The following PRDM16 variants were observed in gnomAD, a reference collection of about 807,000 sequenced individuals.
PRDM16 encodes PR/SET domain 16.
PRDM16 carries 23 observed loss-of-function variants against 110.6 expected under a neutral mutation model. That is an observed-to-expected ratio of 0.21 (90% CI 0.15 to 0.29). PRDM16 has a LOEUF of 0.29. PRDM16 is among the 10% of genes least tolerant of loss of function. PRDM16 has a pLI of 1.00. For synonymous variants in PRDM16, 799 were observed against 781.8 expected, an observed-to-expected ratio of 1.02 and a Z score of -0.37; for missense variants, 1,615 against 1,794.3, an observed-to-expected ratio of 0.90 and a Z score of 1.81.
At chr1:3,107,206 T>C (rs1028953218) in intron 1 of PRDM16, among the ~76,000 whole-genome samples, 8 of 152,342 alleles carry the variant, frequency 5.3e-5, no homozygotes, top group South Asian at 2.1e-4. Flanking sequence ...GCAAAGCTGC[T>C]CACCTTGAAC....
chr1:3,355,671 C>T lies in PRDM16; in HGVS notation c.439-29481C>T, dbSNP rs184926063. Reference sequence around the variant, plus strand: ...CCACACACCTTCACTCTTGTGGCCCCGGACCCTCAGCACCTCTCAGACCAC... The same window carrying T: ...CCACACACCTTCACTCTTGTGGCCCTGGACCCTCAGCACCTCTCAGACCAC... On this transcript the variant is annotated intron_variant, in intron 3 of 16. Transcript: ENST00000270722. 7.5e-3 allele frequency among the ~76,000 whole-genome samples: 1,144 copies of T among 152,252 alleles called. 7 individuals are homozygous for T. The highest frequency in any genetic ancestry group is 0.013 in the South Asian group (64 of 4,822).
intron 3 of PRDM16, among the ~76,000 whole-genome samples, chr1:3,341,757 G>A (rs879340844): frequency 2.2e-4 from 34 of 152,354 alleles, no homozygotes; most frequent in Non-Finnish European, 3.2e-4. Context: ...AGCAGCAGCT[G>A]CCGCTCCCAG....
At chr1:3,320,174 A>T (rs1300894409) in intron 3 of PRDM16, among the ~76,000 whole-genome samples, 1 of 152,234 alleles carries the variant, frequency 6.6e-6, no homozygotes, top group Non-Finnish European at 1.5e-5. Flanking sequence ...AAATAAGAAC[A>T]CACATGTGCC....
intron 4 of PRDM16, chr1:3,394,493 TGGTGGGTGG>T: frequency 3.2e-5 from 2 of 62,566 alleles, no homozygotes; most frequent in African/African-American, 3.2e-4. Context: ...GAGAGGGAGG[TGGTGGGTGG>T]GGTGGGTGGT....
chr1:3,253,204 TTTAA>T (rs1340606644), intron 3 of PRDM16, among the ~76,000 whole-genome samples: 27 of 152,142 alleles, frequency 1.8e-4, no homozygotes, highest in Middle Eastern at 3.4e-3. Flanking sequence ...TTTAATTTAA[TTTAA>T]TTATTATTAT....
At position 3,266,409 on chromosome 1, in the gene PRDM16, C is replaced by T. The variant is rs576243234; in HGVS notation, c.438+22272C>T. Among the ~76,000 whole-genome samples the T allele has an allele frequency of 3.9e-5, 6 of 152,298 alleles. No homozygotes were observed. In the South Asian group the frequency reaches 1.2e-3, roughly 32 times the overall value. ...TCGCCCCGAGAGCCCCTCGCACTTA[C>T]CTCAGTAGACGCGAATTAATTCTCT... On this transcript the variant is annotated intron_variant, in intron 3 of 16. Transcript: ENST00000270722.
At position 3,143,746 on chromosome 1, in the gene PRDM16, G is replaced by A. The variant is rs946240479; in HGVS notation, c.38-42379G>A. Among the ~76,000 whole-genome samples, 6 of 152,162 alleles carry A rather than the reference G, an allele frequency of 3.9e-5. No individual in the cohort carries two copies. The highest frequency in any genetic ancestry group is 1.4e-4 in the African/African-American group (6 of 41,432). On this transcript the variant is annotated intron_variant, in intron 1 of 16. Coordinates refer to ENST00000270722, the MANE Select transcript of PRDM16 (RefSeq NM_022114.4). This position sits in a 1 kb window ranked among gnomAD's most constrained non-coding sequence, Gnocchi z 4.5. ...CCCGCCTCGGCCTCCCAAAGTGCTG[G>A]GATCACAGGCTTGAGCCACCGCGTC... is the stretch of plus-strand genomic sequence containing the variant.
In PRDM16 at chr1:3,405,614, C is replaced by T. The variant is rs1014743652; in HGVS notation, c.1152C>T (p.His384=). 3.7e-6 allele frequency: 6 copies of T among 1,610,254 alleles called. No individual in the cohort carries two copies. The African/African-American group carries it at 5.4e-5, about 14-fold the overall frequency. Reference sequence around the variant, plus strand: ...CCACGTCCTCCGGCCTCAAGCAGCACAAGCATATCCACAGCACGGTGAAGC... The same window carrying T: ...CCACGTCCTCCGGCCTCAAGCAGCATAAGCATATCCACAGCACGGTGAAGC... ...TFATSSGLKQ[H]KHIHSTVKPF... is the part of the protein sequence containing the mutation. Residue 384 remains histidine (H), a synonymous_variant, in exon 8 of 17, where the codon CAC becomes CAT. Transcript: ENST00000270722.
At chr1:3,181,690 A>AAG (rs1644198549) in intron 1 of PRDM16, among the ~76,000 whole-genome samples, 2 of 104,028 alleles carry the variant, frequency 1.9e-5, no homozygotes, top group Admixed American at 1.0e-4. Flanking sequence ...AGTCTTACAC[A>AAG]CGGTCTTACA....
chr1:3,332,257 G>A (rs1266043433), intron 3 of PRDM16, among the ~76,000 whole-genome samples: 2 of 152,280 alleles, frequency 1.3e-5, no homozygotes, highest in African/African-American at 4.8e-5. Context: ...ACTCGCTTCC[G>A]AGAAAATCAT....
chr1:3,393,854 C>T (rs1643337882), intron 4 of PRDM16, among the ~76,000 whole-genome samples: 1 of 152,326 alleles, frequency 6.6e-6, no homozygotes, highest in African/African-American at 2.4e-5. Context: ...ACCCCCGCCC[C>T]CGCCCCGCCC....
At position 3,436,403 on chromosome 1, in the gene PRDM16, C is replaced by T. The variant is rs934713524; in HGVS notation, c.*2592C>T. 2.6e-5 allele frequency: 6 copies of T among 229,924 alleles called. No individual in the cohort carries two copies. The highest frequency in any genetic ancestry group is 4.4e-5 in the African/African-American group (2 of 45,120). 14.2% of individuals were successfully genotyped at this position (229,924 alleles called of 1,614,324 possible). A position where few individuals can be genotyped will look rare whatever the true frequency, so the allele number is the denominator to read the frequency against. ...CTTGGCGCTCTTTCCTTCCACCTTTCCCAAGAGTCCTGGTTGCACGTTTTA... is the reference window on the plus strand; with the variant it reads ...CTTGGCGCTCTTTCCTTCCACCTTTTCCAAGAGTCCTGGTTGCACGTTTTA... On this transcript the variant is annotated 3_prime_UTR_variant, in exon 17 of 17. Transcript: ENST00000270722.
intron 3 of PRDM16, among the ~76,000 whole-genome samples, chr1:3,356,409 A>G (rs1642603048): frequency 6.6e-6 from 1 of 152,204 alleles, no homozygotes; most frequent in African/African-American, 2.4e-5. Flanking sequence ...CGCCGTGTCC[A>G]CACCCAATCT....
intron 3 of PRDM16, among the ~76,000 whole-genome samples, chr1:3,251,200 G>C (rs1311355554): frequency 1.3e-5 from 2 of 152,146 alleles, no homozygotes; most frequent in Non-Finnish European, 2.9e-5. Flanking sequence ...CTTTGGACCT[G>C]GTTCTGCCCG....
chr1:3,394,377 G>A (rs1271139541), intron 4 of PRDM16: 1 of 439,618 alleles, frequency 2.3e-6, no homozygotes, highest in East Asian at 7.5e-5. Context: ...CCCAGCCCCC[G>A]TCCGCCCACC....
intron 3 of PRDM16, among the ~76,000 whole-genome samples, chr1:3,302,700 C>T (rs999206201): frequency 3.9e-5 from 6 of 152,110 alleles, no homozygotes; most frequent in African/African-American, 1.2e-4. Context: ...TAGCACTGTG[C>T]GTGGGGCCAT....
chr1:3,386,892 A>AGGG (rs1643210238), intron 4 of PRDM16: 1 of 152,298 alleles, frequency 6.6e-6, no homozygotes, highest in East Asian at 1.9e-4. Flanking sequence ...TTAAGAAATA[A>AGGG]ATGTTTATTA....
In PRDM16 at chr1:3,076,247, C is replaced by T. The variant is rs557655140; in HGVS notation, c.37+6951C>T. Among the ~76,000 whole-genome samples, 5 of 152,274 alleles carry T rather than the reference C, an allele frequency of 3.3e-5. No individual in the cohort carries two copies. In the South Asian group the frequency reaches 6.2e-4, roughly 19 times the overall value. ...AGGTGTGCGTGTGTGTTGCGATCCA[C>T]GTCTTTGCCGCAGCCCTGGCCACGT... On this transcript the variant is annotated intron_variant, in intron 1 of 16. Coordinates refer to ENST00000270722, the MANE Select transcript of PRDM16 (RefSeq NM_022114.4).
intron 3 of PRDM16, among the ~76,000 whole-genome samples, chr1:3,247,453 C>G (rs559441741): frequency 1.3e-5 from 2 of 152,298 alleles, no homozygotes; most frequent in South Asian, 2.1e-4. Context: ...GATTCGAACT[C>G]AGGACTGTGG....
Sources: allele counts gnomAD v4.1 joint callset (sites outside exome capture counted in the v4.1 genomes callset), GRCh38; gene constraint gnomAD v4.1.1; non-coding constraint Gnocchi (gnomAD v3.1); transcripts MANE v1.5; gene names NCBI Gene and HGNC (gene_info 2026-07-23, HGNC 2026-07-21).